Variants in AVPR1B observed in about 807,000 individuals in gnomAD.
AVPR1B encodes arginine vasopressin receptor 1B.
Under a neutral mutation model 27.5 loss-of-function variants are expected in AVPR1B, and 25 were observed. That is an observed-to-expected ratio of 0.91 (90% CI 0.66 to 1.27). The LOEUF (loss-of-function observed/expected upper bound fraction) is 1.27, where lower values mean the gene tolerates loss of function less well. AVPR1B is among the 50% of genes most tolerant of loss of function. The pLI is 0.00. For synonymous variants in AVPR1B, 248 were observed against 240.2 expected, an observed-to-expected ratio of 1.03 and a Z score of -0.30; for missense variants, 595 against 556.9, an observed-to-expected ratio of 1.07 and a Z score of -0.69.
intron 1 of AVPR1B, among the ~76,000 whole-genome samples, chr1:206,114,284 A>T (rs1663426691): frequency 6.6e-6 from 1 of 152,130 alleles, no homozygotes; most frequent in African/African-American, 2.4e-5. Context: ...TTCCAGAGGA[A>T]CCTGTGCACA....
Position 206,116,935 on chromosome 1 carries a change from G to C in AVPR1B, c.-45C>G. 1 of 1,526,312 alleles carries C rather than the reference G, an allele frequency of 6.6e-7. No individual in the cohort carries two copies. Among genetic ancestry groups the C allele is most frequent in the Non-Finnish European group, 8.9e-7 (1 of 1,120,548 alleles). 94.5% of individuals were successfully genotyped at this position (1,526,312 alleles called of 1,614,324 possible). A position where few individuals can be genotyped will look rare whatever the true frequency, so the allele number is the denominator to read the frequency against. ...GGAAGGATGAAGGGAGGGTGTGGAT[G>C]CAAGTGGAGAGGTTTGATGGATAAA... On this transcript the variant is annotated 5_prime_UTR_variant, in exon 1 of 2. Transcript: ENST00000367126.
At chr1:206,111,571 A>G (rs1282941664) in intron 1 of AVPR1B, among the ~76,000 whole-genome samples, 1 of 152,198 alleles carries the variant, frequency 6.6e-6, no homozygotes, top group African/African-American at 2.4e-5. Flanking sequence ...AAGAGCTGCA[A>G]CTCGAAGTCT....
In AVPR1B at chr1:206,116,713, C is replaced by T. The variant is rs782615581; in HGVS notation, c.178G>A (p.Gly60Ser). The change falls in exon 1 of 2, where the codon GGC becomes AGC. Residue 60 changes from glycine to serine, a missense_variant. Coordinates refer to ENST00000367126, the MANE Select transcript of AVPR1B (RefSeq NM_000707.5). ...GGNLAVLLTL[G>S]QLGRKRSRMH... ...CGGGAGCGCTTGCGGCCCAGCTGGC[C>T]CAGGGTCAGCAGCACAGCCAGGTTG... The T allele has an allele frequency of 1.2e-6, 2 of 1,609,272 alleles. No individual in the cohort carries two copies. The highest frequency in any genetic ancestry group is 2.2e-5 in the East Asian group (1 of 44,798).
In AVPR1B at chr1:206,110,100, T is replaced by C. The variant is rs782804229; in HGVS notation, c.*89A>G. ...ACAGGGCTCCTCTAACTCCAACCCT[T>C]ACCCTCCCAGCTCTCATTTCCAGTG... On this transcript the variant is annotated 3_prime_UTR_variant, in exon 2 of 2. Coordinates refer to ENST00000367126, the MANE Select transcript of AVPR1B (RefSeq NM_000707.5). 2.1e-5 allele frequency: 30 copies of C among 1,428,492 alleles called. No homozygotes were observed. Among genetic ancestry groups the C allele is most frequent in the Non-Finnish European group, 2.8e-5 (30 of 1,062,268 alleles). The allele number at this position is 1,428,492 out of a possible 1,614,324, so 88.5% of individuals were successfully genotyped here. A position where few individuals can be genotyped will look rare whatever the true frequency, so the allele number is the denominator to read the frequency against.
In AVPR1B at chr1:206,109,969, T is replaced by G. The variant is rs1306255099; in HGVS notation, c.*220A>C. The G allele has an allele frequency of 1.7e-6, 1 of 574,748 alleles. No individual in the cohort carries two copies. Among genetic ancestry groups the G allele is most frequent in the Non-Finnish European group, 3.1e-6 (1 of 325,302 alleles). 35.6% of individuals were successfully genotyped at this position (574,748 alleles called of 1,614,324 possible). A position where few individuals can be genotyped will look rare whatever the true frequency, so the allele number is the denominator to read the frequency against. On this transcript the variant is annotated 3_prime_UTR_variant, in exon 2 of 2. Coordinates refer to ENST00000367126, the MANE Select transcript of AVPR1B (RefSeq NM_000707.5). ...GGGAGACAGGCAGTTTGATTCTCCC[T>G]GACTGCCAGTGTCTGAGATTGGGAG...
At position 206,110,021 on chromosome 1, in the gene AVPR1B, G is replaced by A. The variant is rs1178222027; in HGVS notation, c.*168C>T. ...TTATGAGGCAGCCCTCACACTAGGG[G>A]CAGCTGTGACACCAGGGTAGGGGAC... is the stretch of plus-strand genomic sequence containing the variant. On this transcript the variant is annotated 3_prime_UTR_variant, in exon 2 of 2. Coordinates refer to ENST00000367126, the MANE Select transcript of AVPR1B (RefSeq NM_000707.5). 2 of 718,064 alleles carry A rather than the reference G, an allele frequency of 2.8e-6. No individual in the cohort carries two copies. Among genetic ancestry groups the A allele is most frequent in the South Asian group, 2.0e-5 (1 of 49,724 alleles). 44.5% of individuals were successfully genotyped at this position (718,064 alleles called of 1,614,324 possible). A position where few individuals can be genotyped will look rare whatever the true frequency, so the allele number is the denominator to read the frequency against.
Position 206,110,392 on chromosome 1 carries a change from C to T in AVPR1B, c.1072G>A (p.Gly358Ser), listed in dbSNP as rs782574482. 1.9e-6 allele frequency: 3 copies of T among 1,612,396 alleles called. No individual in the cohort carries two copies. Among genetic ancestry groups the T allele is most frequent in the Non-Finnish European group, 2.5e-6 (3 of 1,179,410 alleles). ...RPLRHLACCG[G>S]PQPRMRRRLS... ...CGCCGGCGCATCCTGGGCTGGGGACCCCCACAGCAGGCAAGGTGACGCAGG... is the reference window on the plus strand; with the variant it reads ...CGCCGGCGCATCCTGGGCTGGGGACTCCCACAGCAGGCAAGGTGACGCAGG... The change falls in exon 2 of 2, where the codon GGT becomes AGT. Residue 358 changes from glycine (G) to serine (S), a missense_variant. By Grantham distance (56) the Gly-to-Ser change is moderately conservative. Transcript: ENST00000367126.
Position 206,116,907 on chromosome 1 carries a change from G to C in AVPR1B, c.-17C>G, listed in dbSNP as rs782021663. On this transcript the variant is annotated 5_prime_UTR_variant, in exon 1 of 2. Coordinates refer to ENST00000367126, the MANE Select transcript of AVPR1B (RefSeq NM_000707.5). ...AGAATCCATGAGCAAGGTTTGCTGGGAGGGAAGGATGAAGGGAGGGTGTGG... is the reference window on the plus strand; with the variant it reads ...AGAATCCATGAGCAAGGTTTGCTGGCAGGGAAGGATGAAGGGAGGGTGTGG... 4 of 1,592,584 alleles carry C rather than the reference G, an allele frequency of 2.5e-6. No individual in the cohort carries two copies. In the Admixed American group the frequency reaches 6.9e-5, roughly 27 times the overall value.
intron 1 of AVPR1B, among the ~76,000 whole-genome samples, chr1:206,113,327 G>A (rs2102338564): frequency 6.6e-6 from 1 of 151,686 alleles, no homozygotes; most frequent in African/African-American, 2.4e-5. Flanking sequence ...AAGGAAACAA[G>A]CAGGCTCTGA....
chr1:206,110,688 G>A (rs189239489), intron 1 of AVPR1B, among the ~76,000 whole-genome samples, 165 bp from the exon 2 acceptor site: 1 of 152,296 alleles, frequency 6.6e-6, no homozygotes, highest in East Asian at 1.9e-4. Flanking sequence ...GCTGAGACTT[G>A]AACCTGGGAC....
In AVPR1B at chr1:206,116,116, T is replaced by C; in HGVS notation, c.775A>G (p.Thr259Ala). Residue 259 changes from threonine (T) to alanine (A), a missense_variant, in exon 1 of 2, where the codon ACT becomes GCT. Physicochemically the swap from Thr to Ala is moderately conservative, Grantham distance 58. Transcript: ENST00000367126. ...CTGACCCGAGATGGCAGCCCCCGAG[T>C]GGTGGCAGCTAAGGTGGAAGGTGAG... ...RPSPSTLAAT[T>A]RGLPSRVSSI... The C allele has an allele frequency of 6.2e-7, 1 of 1,613,944 alleles. No homozygotes were observed. The highest frequency in any genetic ancestry group is 8.5e-7 in the Non-Finnish European group (1 of 1,180,000).
In AVPR1B at chr1:206,116,043, G is replaced by A. The variant is rs373513260; in HGVS notation, c.848C>T (p.Thr283Ile). 3 of 1,614,222 alleles carry A rather than the reference G, an allele frequency of 1.9e-6. No individual in the cohort carries two copies. The South Asian group carries it at 3.3e-5, about 18-fold the overall frequency. ...GATGTAGGCCAGCACGATGACAAAG[G>A]TCATCTTCACTGTTCGGATCTTGGC... ...SRAKIRTVKM[T>I]FVIVLAYIAC... is the part of the protein sequence containing the mutation. The change falls in exon 1 of 2, where the codon ACC (threonine) becomes ATC (isoleucine). Residue 283 changes from threonine (T) to isoleucine (I), a missense_variant. Thr to Ile is a moderately conservative substitution (Grantham distance 89). Coordinates refer to ENST00000367126, the MANE Select transcript of AVPR1B (RefSeq NM_000707.5).
intron 1 of AVPR1B, among the ~76,000 whole-genome samples, chr1:206,112,198 GA>G (rs145176259): frequency 4.7e-5 from 7 of 148,040 alleles, no homozygotes; most frequent in East Asian, 2.0e-4. Flanking sequence ...TCCATCTCAA[GA>G]AAAAAAAAAG....
chr1:206,109,854 A>G lies in AVPR1B; in HGVS notation c.*335T>C, dbSNP rs1663340243. 2 of 235,290 alleles carry G rather than the reference A, an allele frequency of 8.5e-6. No homozygotes were observed. Among genetic ancestry groups the G allele is most frequent in the East Asian group, 1.8e-4 (2 of 10,940 alleles). The allele number at this position is 235,290 out of a possible 1,614,324, so 14.6% of individuals were successfully genotyped here. ...CAAGGCCAGCCTCTGAATTCCTGCC[A>G]CCCGTGGACCCCTAGACAGCACCAT... On this transcript the variant is annotated 3_prime_UTR_variant, in exon 2 of 2. Transcript: ENST00000367126.
intron 1 of AVPR1B, among the ~76,000 whole-genome samples, chr1:206,111,415 C>A (rs1174266156): frequency 5.3e-5 from 8 of 152,226 alleles, no homozygotes; most frequent in African/African-American, 1.9e-4. Flanking sequence ...TGGCCTCCTG[C>A]TGGATCTGTC....
Position 206,108,427 on chromosome 1 carries a change from C to T in AVPR1B, c.*1762G>A, listed in dbSNP as rs551591801. On this transcript the variant is annotated 3_prime_UTR_variant, in exon 2 of 2. Transcript: ENST00000367126. ...CTTTTTAGAAAGCCTCAGGAGGCTT[C>T]TTAGAGCTGAGTGGCCTCTTAAAGA... Among the ~76,000 whole-genome samples, 8 of 152,298 alleles carry T rather than the reference C, an allele frequency of 5.3e-5. No individual in the cohort carries two copies. The East Asian group carries it at 1.5e-3, about 29-fold the overall frequency.
In AVPR1B at chr1:206,116,660, G is replaced by T. The variant is rs1320844595; in HGVS notation, c.231C>A (p.Ala77=). The change falls in exon 1 of 2, where the codon GCC becomes GCA. Residue 77 remains alanine, a synonymous_variant. Coordinates refer to ENST00000367126, the MANE Select transcript of AVPR1B (RefSeq NM_000707.5). ...AGAGCGCCACGGCCAGGTCTGTCAGGGCTAAGTGCAGCACGAACAGGTGCA... is the reference window on the plus strand; with the variant it reads ...AGAGCGCCACGGCCAGGTCTGTCAGTGCTAAGTGCAGCACGAACAGGTGCA... ...SRMHLFVLHL[A]LTDLAVALFQ... is the part of the protein sequence containing the mutation. 1.2e-6 allele frequency: 2 copies of T among 1,611,864 alleles called. No individual in the cohort carries two copies. The highest frequency in any genetic ancestry group is 1.7e-6 in the Non-Finnish European group (2 of 1,178,900).
rs371004989 is a variant in AVPR1B at position 206,116,698 on chromosome 1, T to C, written c.193A>G (p.Lys65Glu). Residue 65 changes from lysine (K) to glutamate (E), a missense_variant, in exon 1 of 2, where the codon AAG (lysine) becomes GAG (glutamate). By Grantham distance (56) the Lys-to-Glu change is moderately conservative. Coordinates refer to ENST00000367126, the MANE Select transcript of AVPR1B (RefSeq NM_000707.5). ...VLLTLGQLGR[K>E]RSRMHLFVLH... is the part of the protein sequence containing the mutation. Reference sequence around the variant, plus strand: ...ACGAACAGGTGCATGCGGGAGCGCTTGCGGCCCAGCTGGCCCAGGGTCAGC... The same window carrying C: ...ACGAACAGGTGCATGCGGGAGCGCTCGCGGCCCAGCTGGCCCAGGGTCAGC... The C allele has an allele frequency of 6.8e-6, 11 of 1,608,288 alleles. No homozygotes were observed. The highest frequency in any genetic ancestry group is 1.7e-4 in the Middle Eastern group (1 of 6,046).
Position 206,108,394 on chromosome 1 carries a change from G to C in AVPR1B, c.*1795C>G, listed in dbSNP as rs1324357281. Among the ~76,000 whole-genome samples the C allele has an allele frequency of 1.3e-5, 2 of 152,168 alleles. No homozygotes were observed. Among genetic ancestry groups the C allele is most frequent in the Non-Finnish European group, 2.9e-5 (2 of 68,032 alleles). On this transcript the variant is annotated 3_prime_UTR_variant, in exon 2 of 2. Transcript: ENST00000367126. ...TTGCTCACTCACAACATTCAGCAAG[G>C]CTCTTTTCTTTTTAGAAAGCCTCAG...
Sources: allele counts gnomAD v4.1 joint callset (sites outside exome capture counted in the v4.1 genomes callset), GRCh38; gene constraint gnomAD v4.1.1; transcripts MANE v1.5; gene names NCBI Gene and HGNC (gene_info 2026-07-23, HGNC 2026-07-21).